Variants in TAFA2 observed in about 807,000 individuals in gnomAD.
TAFA2 encodes chemokine-like protein TAFA-2.
TAFA2 carries 7 observed loss-of-function variants against 18.8 expected under a neutral mutation model. The observed-to-expected ratio is 0.37, with a 90% CI of 0.21 to 0.70. The LOEUF (loss-of-function observed/expected upper bound fraction) is 0.70. Ranked by LOEUF, TAFA2 falls within the 30% of genes least tolerant of loss-of-function variation. The probability of loss-of-function intolerance (pLI) is 0.53; values close to 1 mark genes in which losing one functional copy is unlikely to be tolerated. For missense variants in TAFA2, 122 were observed against 158.1 expected (o/e 0.77, Z 1.23); for synonymous variants, 60 against 54.2 (o/e 1.11, Z -0.47).
At chr12:61,897,049 G>T (rs915818074) in intron 1 of TAFA2, among the ~76,000 whole-genome samples, 1 of 152,012 alleles carries the variant, frequency 6.6e-6, no homozygotes, top group African/African-American at 2.4e-5. Context: ...AGTAACATAG[G>T]TATATTTAGA....
chr12:61,942,227 C>A (rs1878061956), intron 1 of TAFA2, among the ~76,000 whole-genome samples: 1 of 141,628 alleles, frequency 7.1e-6, no homozygotes, highest in Admixed American at 6.9e-5. Context: ...TTCCAACAGA[C>A]CTGCAGCTGA....
chr12:62,222,058 A>T (rs1169020476), intron 1 of TAFA2, among the ~76,000 whole-genome samples: 1 of 152,192 alleles, frequency 6.6e-6, no homozygotes, highest in East Asian at 1.9e-4. Context: ...AAAAAGTAAG[A>T]TTAAAACAAG....
At chr12:61,929,924 A>G (rs1877482329) in intron 1 of TAFA2, among the ~76,000 whole-genome samples, 1 of 150,166 alleles carries the variant, frequency 6.7e-6, no homozygotes, top group African/African-American at 2.5e-5. Context: ...CAAACACTGC[A>G]TGTTCTCACT....
chr12:62,152,239 T>C (rs573665737), intron 1 of TAFA2, among the ~76,000 whole-genome samples: 3 of 152,300 alleles, frequency 2.0e-5, no homozygotes, highest in African/African-American at 4.8e-5. Flanking sequence ...CAGTGAACAA[T>C]GCAGAGAAAA....
chr12:61,710,817 C>A (rs1869366746), intron 4 of TAFA2, among the ~76,000 whole-genome samples: 1 of 152,098 alleles, frequency 6.6e-6, no homozygotes, highest in South Asian at 2.1e-4. Flanking sequence ...TTGTCCCCAG[C>A]AACACAGTCA....
chr12:61,816,682 G>A (rs866451043), intron 2 of TAFA2, among the ~76,000 whole-genome samples: 5 of 151,126 alleles, frequency 3.3e-5, no homozygotes, highest in Admixed American at 6.6e-5. Flanking sequence ...TAGAGCATTG[G>A]GATAAGTTAT....
intron 2 of TAFA2, among the ~76,000 whole-genome samples, chr12:61,814,992 A>T (rs1872019310): frequency 6.6e-6 from 1 of 151,584 alleles, no homozygotes; most frequent in South Asian, 2.1e-4. Flanking sequence ...TCTGACCTTC[A>T]GAAATGTAAG....
chr12:62,166,333 C>T (rs1185607797), intron 1 of TAFA2, among the ~76,000 whole-genome samples: 1 of 152,108 alleles, frequency 6.6e-6, no homozygotes, highest in Non-Finnish European at 1.5e-5. Flanking sequence ...AAAATAGCAA[C>T]CCCTATGGAG....
intron 4 of TAFA2, among the ~76,000 whole-genome samples, chr12:61,747,626 A>G (rs2120728837): frequency 6.6e-6 from 1 of 150,940 alleles, no homozygotes; most frequent in African/African-American, 2.4e-5. Flanking sequence ...CAAAAAACCA[A>G]ACACCGCATA....
chr12:62,077,598 T>G (rs546649843), intron 1 of TAFA2, among the ~76,000 whole-genome samples: 61 of 152,306 alleles, frequency 4.0e-4, no homozygotes, highest in African/African-American at 1.3e-3. Context: ...TTATAAAGCA[T>G]GCAATAAATT....
chr12:61,722,814 C>G (rs547019621), intron 4 of TAFA2, among the ~76,000 whole-genome samples: 183 of 152,190 alleles, frequency 1.2e-3, no homozygotes, highest in African/African-American at 4.0e-3. Context: ...TTTATTCCAC[C>G]TGGTGTGTAT....
intron 1 of TAFA2, among the ~76,000 whole-genome samples, chr12:62,077,733 T>C (rs1020899239): frequency 6.6e-6 from 1 of 152,186 alleles, no homozygotes; most frequent in Non-Finnish European, 1.5e-5. Flanking sequence ...CCCAGAGTTC[T>C]TTTCTTATTA....
intron 1 of TAFA2, among the ~76,000 whole-genome samples, chr12:61,873,058 A>G (rs12307176): frequency 0.058 from 8,773 of 152,312 alleles, 843 homozygotes; most frequent in African/African-American, 0.2. Flanking sequence ...CACCTGGATC[A>G]TGGAACATCA....
At chr12:62,193,250 T>G (rs1424526669), upstream of TAFA2, among the ~76,000 whole-genome samples, 1 of 151,916 alleles carries the variant, frequency 6.6e-6, no homozygotes, top group Non-Finnish European at 1.5e-5. Context: ...AAAAAGAAAA[T>G]CTGAAACAAA....
rs1188751231 is a variant in TAFA2, at chr12:61,708,721, A to G, written c.*1685T>C. ...TTATGAGACAGTGGATTTTAGTTCA[A>G]TGTGAGATACATACTTTTCAGATTT... On this transcript the variant is annotated 3_prime_UTR_variant, in exon 5 of 5. Transcript: ENST00000416284. 1 of 152,110 alleles carries G rather than the reference A, an allele frequency of 6.6e-6. No individual in the cohort carries two copies. Among genetic ancestry groups the G allele is most frequent in the African/African-American group, 2.4e-5 (1 of 41,446 alleles). The allele number at this position is 152,110 out of a possible 1,614,324, so 9.4% of individuals were successfully genotyped here. A position where few individuals can be genotyped will look rare whatever the true frequency, so the allele number is the denominator to read the frequency against.
Position 61,797,261 on chromosome 12 carries a change from AG to A in TAFA2, c.107-42238del, listed in dbSNP as rs751705948. ...CAATGCTGAGCATGCCCTACCTCAC[AG>A]TGCCAAAAGAAAAAGAAAAATCATC... is the stretch of plus-strand genomic sequence containing the variant. On this transcript the variant is annotated intron_variant, in intron 2 of 4. Coordinates refer to ENST00000416284, the MANE Select transcript of TAFA2 (RefSeq NM_178539.5). 4.6e-5 allele frequency among the ~76,000 whole-genome samples: 7 copies of A among 152,198 alleles called. No individual in the cohort carries two copies. In the East Asian group the frequency reaches 1.2e-3, roughly 25 times the overall value.
At chr12:62,148,342 C>T (rs916831897) in intron 1 of TAFA2, among the ~76,000 whole-genome samples, 10 of 152,210 alleles carry the variant, frequency 6.6e-5, no homozygotes, top group African/African-American at 2.4e-4. Context: ...GGCATATATA[C>T]AACATGGAAT....
At chr12:61,994,259 C>A (rs554525269) in intron 1 of TAFA2, among the ~76,000 whole-genome samples, 1 of 152,232 alleles carries the variant, frequency 6.6e-6, no homozygotes, top group South Asian at 2.1e-4. Context: ...TAACTTCATG[C>A]AGACAAACCC....
chr12:62,177,813 T>C (rs1254825982), intron 1 of TAFA2, among the ~76,000 whole-genome samples: 1 of 152,130 alleles, frequency 6.6e-6, no homozygotes, highest in East Asian at 1.9e-4. Context: ...GTTCGTTTCA[T>C]CTCCTACCTC....
Sources: gnomAD v4.1 joint callset for allele counts (sites outside exome capture counted in the v4.1 genomes callset) on GRCh38, gnomAD v4.1.1 for gene constraint, MANE v1.5 for transcripts, NCBI Gene and HGNC (gene_info 2026-07-23, HGNC 2026-07-21) for gene names.